Variants in PIK3CD observed in about 807,000 individuals in gnomAD.
PIK3CD encodes the protein phosphatidylinositol-4,5-bisphosphate 3-kinase catalytic subunit delta.
PIK3CD carries 20 observed loss-of-function variants against 122.9 expected under a neutral mutation model. That is an observed-to-expected ratio of 0.16 (90% CI 0.11 to 0.24). The LOEUF is 0.24. PIK3CD is among the 10% of genes least tolerant of loss of function. The pLI is 1.00. For synonymous variants in PIK3CD, 596 were observed against 593.4 expected (o/e 1.00, Z -0.06); for missense variants, 787 against 1,406.3 (o/e 0.56, Z 7.04).
At chr1:9,637,089 G>A in the PIK3CD span, among the ~76,000 whole-genome samples, 1 of 151,964 alleles carries the variant, frequency 6.6e-6, no homozygotes, top group Non-Finnish European at 1.5e-5. Flanking sequence ...AGTAGAGATG[G>A]GGTTTCACTG....
In PIK3CD at chr1:9,715,598, G is replaced by A. The variant is rs757517500; in HGVS notation, c.199G>A (p.Ala67Thr). The A allele has an allele frequency of 2.5e-6, 4 of 1,613,838 alleles. No individual in the cohort carries two copies. In the South Asian group the frequency reaches 3.3e-5, roughly 13 times the overall value. ...CTTCCACATGCTCAGTGGCCCCGAG[G>A]CCTATGTGTTCACCTGCATCAACCA... ...PLFHMLSGPE[A>T]YVFTCINQTA... The change falls in exon 4 of 24, where the codon GCC becomes ACC. Residue 67 changes from alanine (A) to threonine (T), a missense_variant. By Grantham distance (58) the Ala-to-Thr change is moderately conservative. Transcript: ENST00000377346. The surrounding 1 kb of genome is among the most constrained non-coding windows in gnomAD (Gnocchi z 4.1).
intron 1 of PIK3CD, among the ~76,000 whole-genome samples, chr1:9,683,981 G>A (rs1183147335): frequency 6.6e-6 from 1 of 152,184 alleles, no homozygotes; most frequent in Non-Finnish European, 1.5e-5. Context: ...TGCTTGGGTT[G>A]TGTCACTGCA....
intron 23 of PIK3CD, among the ~76,000 whole-genome samples, chr1:9,726,212 C>G (rs113527147): frequency 0.027 from 3,985 of 149,168 alleles, 161 homozygotes; most frequent in African/African-American, 0.08. Flanking sequence ...GACTCTGTCT[C>G]AAAAAGAAAA....
chr1:9,701,116 G>T (rs1041710340), intron 2 of PIK3CD, among the ~76,000 whole-genome samples: 1 of 151,882 alleles, frequency 6.6e-6, no homozygotes. Context: ...CTGTCCATCC[G>T]CTCAGCACAA....
intron 2 of PIK3CD, among the ~76,000 whole-genome samples, chr1:9,696,682 T>A (rs1388118490): frequency 1.3e-5 from 2 of 150,000 alleles, no homozygotes; most frequent in African/African-American, 4.9e-5. Flanking sequence ...CTAGGGAGGT[T>A]GAGGATTTCA....
At chr1:9,671,610 G>A (rs987349326) in intron 1 of PIK3CD, among the ~76,000 whole-genome samples, 3 of 152,116 alleles carry the variant, frequency 2.0e-5, no homozygotes, top group Admixed American at 2.0e-4. Flanking sequence ...CAGATGGAAT[G>A]CACAGAGCAT....
Position 9,728,330 on chromosome 1 carries a change from G to A in PIK3CD, c.*1284G>A, listed in dbSNP as rs1650007619. ...AAAGGCCTGGATTTGAGCAGCTTTAGAAATGCAGGTTCTAGGGCTTCTCCC... is the reference window on the plus strand; with the variant it reads ...AAAGGCCTGGATTTGAGCAGCTTTAAAAATGCAGGTTCTAGGGCTTCTCCC... On this transcript the variant is annotated 3_prime_UTR_variant, in exon 24 of 24. Transcript: ENST00000377346. The A allele has an allele frequency of 1.3e-5, 2 of 152,244 alleles. No individual in the cohort carries two copies. The highest frequency in any genetic ancestry group is 4.1e-4 in the South Asian group (2 of 4,830). 9.4% of individuals were successfully genotyped at this position (152,244 alleles called of 1,614,324 possible). A position where few individuals can be genotyped will look rare whatever the true frequency, so the allele number is the denominator to read the frequency against.
chr1:9,671,438 T>G (rs561672294), intron 1 of PIK3CD, among the ~76,000 whole-genome samples: 4 of 152,248 alleles, frequency 2.6e-5, no homozygotes, highest in African/African-American at 9.6e-5. Flanking sequence ...CAAATGATCC[T>G]CCCACCTCAG....
At chr1:9,716,135 C>T in intron 5 of PIK3CD, 57 bp downstream of exon 5, 3 of 1,363,872 alleles carry the variant, frequency 2.2e-6, no homozygotes, top group Non-Finnish European at 3.1e-6. Flanking sequence ...GGAGCACTTC[C>T]TCTGTGAAAC....
At chr1:9,677,383 C>T (rs1353098792) in intron 1 of PIK3CD, among the ~76,000 whole-genome samples, 3 of 152,118 alleles carry the variant, frequency 2.0e-5, no homozygotes, top group South Asian at 2.1e-4. Context: ...CGGTGGCTCA[C>T]GCCTGTAATC....
At chr1:9,639,460 C>T in the PIK3CD span, among the ~76,000 whole-genome samples, 6 of 152,064 alleles carry the variant, frequency 3.9e-5, no homozygotes, top group Middle Eastern at 3.4e-3. Context: ...TTTGCTAAAA[C>T]GTCTATTTTT....
At chr1:9,636,471 G>A in the PIK3CD span, among the ~76,000 whole-genome samples, 3 of 152,194 alleles carry the variant, frequency 2.0e-5, no homozygotes, top group Non-Finnish European at 4.4e-5. Flanking sequence ...TGGGATTACA[G>A]GCATGAGCCA....
the PIK3CD span, among the ~76,000 whole-genome samples, chr1:9,646,325 G>A: frequency 2.0e-5 from 3 of 152,182 alleles, no homozygotes; most frequent in Admixed American, 6.5e-5. Flanking sequence ...ACAGCCCGCC[G>A]TAACAAAAGA....
Position 9,722,797 on chromosome 1 carries a change from G to A in PIK3CD, c.2426+191G>A, listed in dbSNP as rs942583436. 5.3e-5 allele frequency among the ~76,000 whole-genome samples: 8 copies of A among 152,162 alleles called. No individual in the cohort carries two copies. The highest frequency in any genetic ancestry group is 1.9e-4 in the African/African-American group (8 of 41,432). ...AGCAGGATGCGTGAAGGCTGCTCCT[G>A]AGGCTTAGTGTGTACCCTGCTCTGT... is the stretch of plus-strand genomic sequence containing the variant. On this transcript the variant is annotated intron_variant, in intron 19 of 23. Transcript: ENST00000377346. The surrounding 1 kb of genome is among the most constrained non-coding windows in gnomAD (Gnocchi z 7.6).
chr1:9,718,247 T>A lies in PIK3CD; in HGVS notation c.1021-447T>A. ...TCCACTGGCAGGAATCGAGGGGGAC[T>A]GGATCAGAGGGACTTCCAGGGTGGT... is the stretch of plus-strand genomic sequence containing the variant. On this transcript the variant is annotated intron_variant, in intron 8 of 23. Transcript: ENST00000377346. This position sits in a 1 kb window ranked among gnomAD's most constrained non-coding sequence, Gnocchi z 7.2. 1 of 469,144 alleles carries A rather than the reference T, an allele frequency of 2.1e-6. No individual in the cohort carries two copies. Among genetic ancestry groups the A allele is most frequent in the South Asian group, 1.6e-5 (1 of 64,498 alleles). The allele number at this position is 469,144 out of a possible 1,614,324, so 29.1% of individuals were successfully genotyped here.
intron 1 of PIK3CD, among the ~76,000 whole-genome samples, chr1:9,690,614 C>T (rs1002199107): frequency 7.2e-5 from 11 of 152,268 alleles, no homozygotes; most frequent in African/African-American, 2.4e-4. Context: ...CCTGGGCTCC[C>T]GCAGCAGGGT....
At chr1:9,693,175 C>A (rs888945064) in intron 2 of PIK3CD, among the ~76,000 whole-genome samples, 39 of 152,106 alleles carry the variant, frequency 2.6e-4, no homozygotes, top group Admixed American at 2.6e-3. Context: ...GTATCCTCCC[C>A]CAAACCCCTC....
chr1:9,640,043 CCTTT>C, the PIK3CD span, among the ~76,000 whole-genome samples: 1 of 151,212 alleles, frequency 6.6e-6, no homozygotes, highest in South Asian at 2.1e-4. Context: ...TGCCCGACCT[CCTTT>C]CTTTCTTTCT....
At chr1:9,725,079 G>C in intron 23 of PIK3CD, 143 bp downstream of exon 23, 1 of 1,081,634 alleles carries the variant, frequency 9.2e-7, no homozygotes, top group Non-Finnish European at 1.4e-6. Context: ...GGACCCAGCA[G>C]TGGAGCTGGT....
Sources: allele counts gnomAD v4.1 joint callset (sites outside exome capture counted in the v4.1 genomes callset), GRCh38; gene constraint gnomAD v4.1.1; non-coding constraint Gnocchi (gnomAD v3.1); transcripts MANE v1.5; gene names NCBI Gene and HGNC (gene_info 2026-07-23, HGNC 2026-07-21).